Variants in DPYSL2 observed in about 807,000 individuals in gnomAD.
DPYSL2 encodes dihydropyrimidinase-related protein 2.
Under a neutral mutation model 69.9 loss-of-function variants are expected in DPYSL2, and 13 were observed. The ratio of observed to expected loss-of-function variants is 0.19; its 90% confidence interval spans 0.12 to 0.30. The LOEUF (loss-of-function observed/expected upper bound fraction) is 0.30, where lower values mean the gene tolerates loss of function less well. Among genes scored for constraint, DPYSL2 ranks in the 10% least tolerant of loss-of-function variants. The probability of loss-of-function intolerance (pLI) is 1.00; values close to 1 mark genes in which losing one functional copy is unlikely to be tolerated. For synonymous variants in DPYSL2, 326 were observed against 359.1 expected (o/e 0.91, Z 1.04); for missense variants, 587 against 918.9 (o/e 0.64, Z 4.67).
chr8:26,567,686 G>C (rs1476105811), intron 1 of DPYSL2, among the ~76,000 whole-genome samples: 1 of 152,230 alleles, frequency 6.6e-6, no homozygotes, highest in Admixed American at 6.5e-5. Context: ...ATGGTGTGAG[G>C]GGTCCAAGAG....
At chr8:26,622,149 CCTTCCT>C (rs1563413384) in intron 3 of DPYSL2, among the ~76,000 whole-genome samples, 16 of 56,242 alleles carry the variant, frequency 2.8e-4, no homozygotes, top group Admixed American at 1.0e-3. Flanking sequence ...TTCCTTCCTT[CCTTCCT>C]TCCCTCTCTC....
At chr8:26,638,319 G>T (rs546503819) in intron 8 of DPYSL2, among the ~76,000 whole-genome samples, 1 of 152,192 alleles carries the variant, frequency 6.6e-6, no homozygotes, top group South Asian at 2.1e-4. Context: ...AAGCAGACTC[G>T]AAATTTTGCT....
Position 26,653,315 on chromosome 8 carries a change from A to C in DPYSL2, c.1860A>C (p.Pro620=). 1 of 1,614,136 alleles carries C rather than the reference A, an allele frequency of 6.2e-7. No individual in the cohort carries two copies. Residue 620 remains proline, a synonymous_variant, in exon 13 of 14, where the codon CCA becomes CCC. Coordinates refer to ENST00000521913, the MANE Select transcript of DPYSL2 (RefSeq NM_001197293.3). The surrounding 1 kb of genome is among the most constrained non-coding windows in gnomAD (Gnocchi z 5.7). ...EVSVTPKTVT[P]ASSAKTSPAK... ...CTGTGACGCCCAAGACAGTCACTCC[A>C]GCCTCCTCGGCCAAGACGTCTCCTG...
chr8:26,556,099 ATAT>A (rs1204930409), intron 1 of DPYSL2, among the ~76,000 whole-genome samples: 1 of 42,676 alleles, frequency 2.3e-5, no homozygotes, highest in East Asian at 9.8e-4. Flanking sequence ...TATATAAATT[ATAT>A]ATAGTATATA....
chr8:26,538,466 C>T (rs1305953962), intron 1 of DPYSL2, among the ~76,000 whole-genome samples: 3 of 152,168 alleles, frequency 2.0e-5, no homozygotes, highest in African/African-American at 7.2e-5. Flanking sequence ...CATGACCTCT[C>T]CCTGTGGGGG....
rs1386894966 is a variant in DPYSL2, at chr8:26,655,856, C to T, written c.*150C>T. On this transcript the variant is annotated 3_prime_UTR_variant, in exon 14 of 14. Transcript: ENST00000521913. ...GGAGCAGCCAGTTCATGGGGTCCCC[C>T]TTGGGGCCCCACACCCCGTCTCTCA... 4.5e-6 allele frequency: 3 copies of T among 671,240 alleles called. No individual in the cohort carries two copies. Among genetic ancestry groups the T allele is most frequent in the Non-Finnish European group, 6.9e-6 (3 of 436,034 alleles). The allele number at this position is 671,240 out of a possible 1,614,324, so 41.6% of individuals were successfully genotyped here.
rs947124851 is a variant in DPYSL2 at position 26,560,174 on chromosome 8, C to A, written c.355-21795C>A. On this transcript the variant is annotated intron_variant, in intron 1 of 13. Coordinates refer to ENST00000521913, the MANE Select transcript of DPYSL2 (RefSeq NM_001197293.3). This position sits in a 1 kb window ranked among gnomAD's most constrained non-coding sequence, Gnocchi z 4.4. ...CAGGAGCAGACGCGACCATTCCCGA[C>A]GGCCTTGGCAGCTCACTCTGCCTGA... is the stretch of plus-strand genomic sequence containing the variant. 3.3e-5 allele frequency among the ~76,000 whole-genome samples: 5 copies of A among 152,190 alleles called. No individual in the cohort carries two copies. The highest frequency in any genetic ancestry group is 1.3e-4 in the Admixed American group (2 of 15,280).
intron 11 of DPYSL2, among the ~76,000 whole-genome samples, chr8:26,651,794 TC>T (rs1177055267): frequency 6.6e-5 from 10 of 152,296 alleles, no homozygotes; most frequent in African/African-American, 2.4e-4. Flanking sequence ...TTTAGGGACT[TC>T]AGTTTAACCA....
intron 11 of DPYSL2, among the ~76,000 whole-genome samples, chr8:26,649,325 GCTTCCCCCAGAGGTGCTATAA>G (rs1803234801): frequency 1.3e-5 from 2 of 152,182 alleles, no homozygotes; most frequent in African/African-American, 4.8e-5. Flanking sequence ...TTGCAAGGTT[GCTTCCCCCAGAGGTGCTATAA>G]ATGGCTGGCT....
rs773048447 is a variant in DPYSL2, at chr8:26,632,331, G to T, written c.1006-2449G>T. Among the ~76,000 whole-genome samples the T allele has an allele frequency of 3.9e-5, 6 of 152,384 alleles. No individual in the cohort carries two copies. The Middle Eastern group carries it at 0.01, about 259-fold the overall frequency. ...GGACTGTGGACAAGGCGAGGAGAAA[G>T]AGGTAGACAGAAAGTGAGTGTAGAG... On this transcript the variant is annotated intron_variant, in intron 7 of 13. Coordinates refer to ENST00000521913, the MANE Select transcript of DPYSL2 (RefSeq NM_001197293.3).
At chr8:26,575,923 T>A (rs1801319548) in intron 1 of DPYSL2, among the ~76,000 whole-genome samples, 1 of 152,206 alleles carries the variant, frequency 6.6e-6, no homozygotes, top group Non-Finnish European at 1.5e-5. Flanking sequence ...GACTGACTGT[T>A]GGTTTTTCAC....
rs911265509 is a variant in DPYSL2, at chr8:26,609,118, C to T, written c.629-15025C>T. ...GTGTACACGCTAGTTTTTATTTGAA[C>T]GAGGTGCTCTTGTCTTTATTATGTA... On this transcript the variant is annotated intron_variant, in intron 3 of 13. Coordinates refer to ENST00000521913, the MANE Select transcript of DPYSL2 (RefSeq NM_001197293.3). The surrounding 1 kb of genome is among the most constrained non-coding windows in gnomAD (Gnocchi z 6.5). 6.6e-6 allele frequency among the ~76,000 whole-genome samples: 1 copy of T among 152,134 alleles called. No homozygotes were observed. Among genetic ancestry groups the T allele is most frequent in the African/African-American group, 2.4e-5 (1 of 41,440 alleles).
chr8:26,536,390 G>T (rs913361114), intron 1 of DPYSL2, among the ~76,000 whole-genome samples: 1 of 151,924 alleles, frequency 6.6e-6, no homozygotes, highest in African/African-American at 2.4e-5. Flanking sequence ...TAAATTATAG[G>T]CCAGGCATGG....
At chr8:26,526,892 T>A (rs1048707845) in intron 1 of DPYSL2, among the ~76,000 whole-genome samples, 1 of 152,120 alleles carries the variant, frequency 6.6e-6, no homozygotes, top group Non-Finnish European at 1.5e-5. Flanking sequence ...GAAGTGAGGG[T>A]GTCCTCTGGG....
chr8:26,589,047 T>C (rs1248340376), intron 3 of DPYSL2, among the ~76,000 whole-genome samples: 2 of 152,206 alleles, frequency 1.3e-5, no homozygotes, highest in Non-Finnish European at 2.9e-5. Flanking sequence ...GCAGCTTTCA[T>C]TGTGCCGCCT....
chr8:26,521,200 ATACTGTCT>A (rs922856354), intron 1 of DPYSL2, among the ~76,000 whole-genome samples: 3 of 152,216 alleles, frequency 2.0e-5, no homozygotes, highest in Non-Finnish European at 4.4e-5. Flanking sequence ...CTGCACACAA[ATACTGTCT>A]TACGTGCAAG....
chr8:26,615,938 G>A lies in DPYSL2; in HGVS notation c.629-8205G>A, dbSNP rs116072236. Among the ~76,000 whole-genome samples, 211 of 152,244 alleles carry A rather than the reference G, an allele frequency of 1.4e-3. 1 individual carries two copies. The highest frequency in any genetic ancestry group is 4.8e-3 in the African/African-American group (201 of 41,542). On this transcript the variant is annotated intron_variant, in intron 3 of 13. Coordinates refer to ENST00000521913, the MANE Select transcript of DPYSL2 (RefSeq NM_001197293.3). Reference sequence around the variant, plus strand: ...ACTACACAGTGTTTTATGCATGGGCGTTTTTCTTACAAAGGAACATAGCTT... The same window carrying A: ...ACTACACAGTGTTTTATGCATGGGCATTTTTCTTACAAAGGAACATAGCTT...
rs115322638 is a variant in DPYSL2 at position 26,549,867 on chromosome 8, A to G, written c.355-32102A>G. 3.7e-3 allele frequency among the ~76,000 whole-genome samples: 557 copies of G among 152,326 alleles called. 4 individuals carry two copies. Among genetic ancestry groups the G allele is most frequent in the African/African-American group, 0.013 (535 of 41,580 alleles). On this transcript the variant is annotated intron_variant, in intron 1 of 13. Transcript: ENST00000521913. ...AATAAAGACTTTCTCAGACAAATAA[A>G]TGTTGAGAGAATTTGTCACTGGTGA...
intron 1 of DPYSL2, among the ~76,000 whole-genome samples, chr8:26,579,356 C>T (rs1801432930): frequency 6.6e-6 from 1 of 152,240 alleles, no homozygotes; most frequent in Non-Finnish European, 1.5e-5. Flanking sequence ...ATTCGTTCGT[C>T]CTATTCTTTC....
Sources: allele counts gnomAD v4.1 joint callset (sites outside exome capture counted in the v4.1 genomes callset), GRCh38; gene constraint gnomAD v4.1.1; non-coding constraint Gnocchi (gnomAD v3.1); transcripts MANE v1.5; gene names NCBI Gene and HGNC (gene_info 2026-07-23, HGNC 2026-07-21).